The following UBOX5 variants were observed in gnomAD, a reference collection of about 807,000 sequenced individuals.
The protein encoded by UBOX5 is U-box domain containing 5, also known as RING finger protein 37.
In UBOX5, 28 loss-of-function variants were observed where a neutral mutation model predicts 39.0. The ratio of observed to expected loss-of-function variants is 0.72; its 90% CI spans 0.53 to 0.98. The LOEUF (loss-of-function observed/expected upper bound fraction) is 0.98. Ranked by LOEUF, UBOX5 falls within the 50% of genes least tolerant of loss-of-function variation. The pLI, the probability that UBOX5 is intolerant of heterozygous loss-of-function variation, is 0.00. For synonymous variants in UBOX5, 283 were observed against 275.5 expected, an observed-to-expected ratio of 1.03 and a Z score of -0.27; for missense variants, 585 against 674.4, an observed-to-expected ratio of 0.87 and a Z score of 1.47.
chr20:3,122,735 G>T, intron 2 of UBOX5, 151 bp from the exon 3 acceptor site: 1 of 1,163,432 alleles, frequency 8.6e-7, no homozygotes, highest in Non-Finnish European at 1.2e-6. Flanking sequence ...TCAGATCAAA[G>T]GCCAAGGGCA....
intron 1 of UBOX5, chr20:3,148,654 C>T (rs754548215): frequency 1.9e-6 from 3 of 1,614,058 alleles, no homozygotes; most frequent in African/African-American, 2.7e-5. Context: ...CTGAAACAGA[C>T]AGGAGCTGAG....
chr20:3,118,747 G>A (rs972424356), intron 3 of UBOX5, among the ~76,000 whole-genome samples: 1 of 152,136 alleles, frequency 6.6e-6, no homozygotes, highest in East Asian at 1.9e-4. Context: ...ACTCCAGCCT[G>A]GGCGACAGAG....
rs372734582 is a variant in UBOX5 at position 3,153,224 on chromosome 20, A to T, written c.-42+6542T>A. Among the ~76,000 whole-genome samples the T allele has an allele frequency of 2.0e-5, 3 of 152,358 alleles. No homozygotes were observed. In the East Asian group the frequency reaches 5.8e-4, roughly 29 times the overall value. ...CTATACGTGGTCTGGAAATAAAAGA[A>T]CCATCTCCTAGAACATCAATGTTTG... On this transcript the variant is annotated intron_variant, in intron 1 of 4. Coordinates refer to ENST00000217173, the MANE Select transcript of UBOX5 (RefSeq NM_014948.4).
intron 3 of UBOX5, among the ~76,000 whole-genome samples, chr20:3,118,972 G>C (rs1310700126): frequency 6.6e-6 from 1 of 152,160 alleles, no homozygotes; most frequent in Non-Finnish European, 1.5e-5. Context: ...AATTATTTAG[G>C]TTGAATTACA....
At chr20:3,156,173 C>CTTTT (rs761149925) in intron 1 of UBOX5, among the ~76,000 whole-genome samples, 1 of 130,132 alleles carries the variant, frequency 7.7e-6, no homozygotes, top group Non-Finnish European at 1.6e-5. Flanking sequence ...ACTTCTGACT[C>CTTTT]TTTTTTTTTT....
At chr20:3,137,989 T>TA (rs1452325028) in intron 1 of UBOX5, among the ~76,000 whole-genome samples, 1 of 152,130 alleles carries the variant, frequency 6.6e-6, no homozygotes, top group Non-Finnish European at 1.5e-5. Context: ...AAAGTATATA[T>TA]AGGCTGGGCA....
chr20:3,130,729 C>T (rs1433917198), intron 1 of UBOX5, among the ~76,000 whole-genome samples: 2 of 150,804 alleles, frequency 1.3e-5, no homozygotes, highest in African/African-American at 4.9e-5. Context: ...ACTATATGTT[C>T]AGCTGTCTTA....
At chr20:3,151,976 G>A (rs997682231) in intron 1 of UBOX5, 3 of 151,552 alleles carry the variant, frequency 2.0e-5, no homozygotes, top group Admixed American at 1.3e-4. Flanking sequence ...GTGGTGGCAT[G>A]AGCGTGTAAT....
At chr20:3,134,317 GTTGT>G (rs1448193990) in intron 1 of UBOX5, among the ~76,000 whole-genome samples, 2 of 151,680 alleles carry the variant, frequency 1.3e-5, no homozygotes, top group African/African-American at 2.4e-5. Context: ...TATTACTTAT[GTTGT>G]TTAAAATTTT....
chr20:3,148,448 T>C (rs371675372), intron 1 of UBOX5: 28 of 1,614,046 alleles, frequency 1.7e-5, no homozygotes, highest in Middle Eastern at 1.6e-4. Flanking sequence ...TTTCAAAACA[T>C]TGATCAGATC....
At chr20:3,148,643 T>C (rs1483112641) in intron 1 of UBOX5, 2 of 1,614,094 alleles carry the variant, frequency 1.2e-6, no homozygotes, top group African/African-American at 2.7e-5. Context: ...TAGTTCACCT[T>C]CTGAAACAGA....
rs1329171719 is a variant in UBOX5, at chr20:3,159,802, C to A, written c.-78G>T. The A allele has an allele frequency of 6.6e-6, 1 of 152,272 alleles. No individual in the cohort carries two copies. The highest frequency in any genetic ancestry group is 1.9e-4 in the East Asian group (1 of 5,198). The allele number at this position is 152,272 out of a possible 1,614,324, so 9.4% of individuals were successfully genotyped here. ...GAAGGTGGGCGCCGCAACACCAAACCGGGGACGCCGCGGGCGGCGGCGACA... is the reference window on the plus strand; with the variant it reads ...GAAGGTGGGCGCCGCAACACCAAACAGGGGACGCCGCGGGCGGCGGCGACA... On this transcript the variant is annotated 5_prime_UTR_variant, in exon 1 of 5. Coordinates refer to ENST00000217173, the MANE Select transcript of UBOX5 (RefSeq NM_014948.4).
chr20:3,149,575 A>C lies in UBOX5; in HGVS notation c.-42+10191T>G, dbSNP rs1367832423. On this transcript the variant is annotated intron_variant, in intron 1 of 4. Transcript: ENST00000217173. The surrounding 1 kb of genome is among the most constrained non-coding windows in gnomAD (Gnocchi z 4.1). ...CCGCTAACATTTGATAGGAAGAAGG[A>C]AGGCAGATTTCTAGAAAGAAGGCTG... Among the ~76,000 whole-genome samples the C allele has an allele frequency of 2.6e-5, 4 of 152,216 alleles. No homozygotes were observed. Among genetic ancestry groups the C allele is most frequent in the Non-Finnish European group, 4.4e-5 (3 of 68,032 alleles).
intron 3 of UBOX5, among the ~76,000 whole-genome samples, chr20:3,118,758 C>T (rs139790134): frequency 0.014 from 2,150 of 151,536 alleles, 26 homozygotes; most frequent in South Asian, 0.043. Context: ...GGCGACAGAG[C>T]GAGACTCCGT....
intron 2 of UBOX5, 138 bp from the exon 3 acceptor site, chr20:3,122,722 A>T: frequency 8.0e-7 from 1 of 1,251,106 alleles, no homozygotes; most frequent in Non-Finnish European, 1.1e-6. Context: ...AGGGCACCCA[A>T]GATCAGATCA....
Position 3,112,444 on chromosome 20 carries a change from AATC to A in UBOX5, c.1418-2133_1418-2131del, listed in dbSNP as rs2066261068. Among the ~76,000 whole-genome samples the A allele has an allele frequency of 1.2e-4, 18 of 150,724 alleles. No individual in the cohort carries two copies. The South Asian group carries it at 3.7e-3, about 31-fold the overall frequency. Reference sequence around the variant, plus strand: ...TCAGTGACAGAAAAAAAAAAAAAAAAATCATCAAGGAAAAGACAATTATTGTGC... The same window carrying A: ...TCAGTGACAGAAAAAAAAAAAAAAAAATCAAGGAAAAGACAATTATTGTGC... On this transcript the variant is annotated intron_variant, in intron 4 of 4. Transcript: ENST00000217173.
chr20:3,116,748 T>C (rs1452064884), intron 3 of UBOX5: 2 of 152,094 alleles, frequency 1.3e-5, no homozygotes, highest in Non-Finnish European at 2.9e-5. Context: ...TAGAAGAACA[T>C]AGGAAACTAA....
rs143118338 is a variant in UBOX5 at position 3,122,981 on chromosome 20, A to G, written c.54+331T>C. ...GCCCAATCCAACCAAAACTCCCTTC[A>G]AAACAGTATCTGGGGAGAGAAGTGC... is the stretch of plus-strand genomic sequence containing the variant. On this transcript the variant is annotated intron_variant, in intron 2 of 4. Coordinates refer to ENST00000217173, the MANE Select transcript of UBOX5 (RefSeq NM_014948.4). 2.6e-3 allele frequency among the ~76,000 whole-genome samples: 389 copies of G among 152,240 alleles called. 2 individuals carry two copies. The highest frequency in any genetic ancestry group is 8.5e-3 in the African/African-American group (354 of 41,538).
Position 3,122,026 on chromosome 20 carries a change from CT to C in UBOX5, c.612del (p.Val205Ter). ...GTGACCAGCAGGATGCTGTCTATCA[CT>C]TCCTGGGAGCAGGTCTTGGCCGGCT... is the stretch of plus-strand genomic sequence containing the variant. ...WGQPAKTCSQ[E>X]VIDSILLVTS... is the part of the protein sequence containing the mutation. On this transcript the variant is annotated frameshift_variant, in exon 3 of 5. Coordinates refer to ENST00000217173, the MANE Select transcript of UBOX5 (RefSeq NM_014948.4). LOFTEE classifies it high-confidence loss of function. 1 of 1,614,268 alleles carries C rather than the reference CT, an allele frequency of 6.2e-7. No individual in the cohort carries two copies. The highest frequency in any genetic ancestry group is 8.5e-7 in the Non-Finnish European group (1 of 1,180,050).
Sources: allele counts gnomAD v4.1 joint callset (sites outside exome capture counted in the v4.1 genomes callset), GRCh38; gene constraint gnomAD v4.1.1; non-coding constraint Gnocchi (gnomAD v3.1); transcripts MANE v1.5; gene names NCBI Gene and HGNC (gene_info 2026-07-23, HGNC 2026-07-21).